The following GREB1L variants were observed in gnomAD, a reference collection of about 807,000 sequenced individuals.
GREB1L encodes the protein GREB1-like protein.
Under a neutral mutation model 200.8 loss-of-function variants are expected in GREB1L, and 17 were observed. The ratio of observed to expected loss-of-function variants is 0.08; its 90% CI spans 0.06 to 0.13. The LOEUF is 0.13. GREB1L is among the 10% of genes least tolerant of loss of function. GREB1L has a pLI of 1.00. For missense variants in GREB1L, 1,657 were observed against 2,367.7 expected (o/e 0.70, Z 6.23); for synonymous variants, 789 against 893.0 (o/e 0.88, Z 2.08).
intron 1 of GREB1L, among the ~76,000 whole-genome samples, chr18:21,264,349 G>T (rs909472601): frequency 3.3e-5 from 5 of 150,984 alleles, no homozygotes; most frequent in Non-Finnish European, 5.9e-5. Flanking sequence ...ACTTATAATT[G>T]TTGTTCCTCT....
rs183507452 is a variant in GREB1L at position 21,503,217 on chromosome 18, A to T, written c.4073-2195A>T. On this transcript the variant is annotated intron_variant, in intron 23 of 32. Coordinates refer to ENST00000424526, the MANE Select transcript of GREB1L (RefSeq NM_001142966.3). ...ATTTTATTATTATTAATAATAAAAA[A>T]ATATATATTTTAAGATGGAGTTTCT... Among the ~76,000 whole-genome samples, 541 of 151,766 alleles carry T rather than the reference A, an allele frequency of 3.6e-3. 2 individuals are homozygous for T. Among genetic ancestry groups the T allele is most frequent in the African/African-American group, 0.011 (474 of 41,468 alleles).
In GREB1L at chr18:21,383,456, G is replaced by A. The variant is rs2040406073; in HGVS notation, c.-9-54G>A. ...AGCTCTACCTGTACTTTGAGACATA[G>A]AACCTCTAATTATATCAATTTTATC... On this transcript the variant is annotated intron_variant, in intron 2 of 32. Coordinates refer to ENST00000424526, the MANE Select transcript of GREB1L (RefSeq NM_001142966.3). The A allele has an allele frequency of 3.3e-5, 43 of 1,320,932 alleles. No individual in the cohort carries two copies. The East Asian group carries it at 1.1e-3, about 33-fold the overall frequency. The allele number at this position is 1,320,932 out of a possible 1,614,324, so 81.8% of individuals were successfully genotyped here. A position where few individuals can be genotyped will look rare whatever the true frequency, so the allele number is the denominator to read the frequency against.
intron 17 of GREB1L, among the ~76,000 whole-genome samples, chr18:21,479,912 A>C (rs1448376378): frequency 2.0e-5 from 3 of 152,070 alleles, no homozygotes; most frequent in Non-Finnish European, 4.4e-5. Context: ...ACTAATTTTA[A>C]AAATATTCTG....
intron 1 of GREB1L, among the ~76,000 whole-genome samples, chr18:21,313,526 AG>A (rs1375367806): frequency 1.3e-5 from 2 of 152,196 alleles, no homozygotes; most frequent in Non-Finnish European, 2.9e-5. Context: ...CCAGCTAATG[AG>A]GGGCAAAGGA....
chr18:21,471,591 T>G (rs2035482691), intron 15 of GREB1L, among the ~76,000 whole-genome samples: 1 of 152,024 alleles, frequency 6.6e-6, no homozygotes, highest in African/African-American at 2.4e-5. Flanking sequence ...CTATCGAAGG[T>G]TGAATGAGTT....
chr18:21,516,550 T>C, intron 29 of GREB1L, 63 bp from the exon 30 acceptor site: 16 of 1,452,678 alleles, frequency 1.1e-5, no homozygotes, highest in Non-Finnish European at 1.5e-5. Context: ...TATTTCTCTG[T>C]GTATAGTTAT....
Position 21,454,403 on chromosome 18 carries a change from G to A in GREB1L, c.2022G>A (p.Gln674=). The change falls in exon 15 of 33, where the codon CAG becomes CAA. Residue 674 remains glutamine (Q), a synonymous_variant. Transcript: ENST00000424526. ...DNETFHIYQP[Q]LTVARKLLSQ... ...AAACCTTCCACATTTATCAACCGCA[G>A]CTAACAGTTGCCAGAAAACTCTTAT... 13 of 1,551,722 alleles carry A rather than the reference G, an allele frequency of 8.4e-6. No individual in the cohort carries two copies. The highest frequency in any genetic ancestry group is 3.3e-4 in the Middle Eastern group (2 of 5,994).
chr18:21,472,987 T>G, intron 15 of GREB1L, 44 bp from the exon 16 acceptor site: 1 of 1,329,870 alleles, frequency 7.5e-7, no homozygotes, highest in Non-Finnish European at 1.0e-6. Flanking sequence ...TGTGTGTGTA[T>G]GTGTAAAAGT....
chr18:21,315,356 G>A (rs2038851339), intron 1 of GREB1L, among the ~76,000 whole-genome samples: 1 of 152,172 alleles, frequency 6.6e-6, no homozygotes, highest in African/African-American at 2.4e-5. Flanking sequence ...CTCTCAAAGT[G>A]CTGGGATCAC....
chr18:21,518,423 C>G (rs1453567492), intron 31 of GREB1L, among the ~76,000 whole-genome samples, 189 bp downstream of exon 31: 1 of 152,182 alleles, frequency 6.6e-6, no homozygotes, highest in African/African-American at 2.4e-5. Flanking sequence ...TGCATACTCA[C>G]TTATGCAAAG....
chr18:21,297,387 G>C (rs1598638763), intron 1 of GREB1L, among the ~76,000 whole-genome samples: 1 of 152,156 alleles, frequency 6.6e-6, no homozygotes, highest in African/African-American at 2.4e-5. Context: ...TTATCTCTTT[G>C]TGCTCCTCGG....
Position 21,508,368 on chromosome 18 carries a change from T to A in GREB1L, c.4531-19T>A. On this transcript the variant is annotated intron_variant, in intron 26 of 32. Transcript: ENST00000424526. ...GGCTTTAATTTCCCTTTATGGTCTGTTTTTTTCCCTTTCAGCAGAATTTGA... is the reference window on the plus strand; with the variant it reads ...GGCTTTAATTTCCCTTTATGGTCTGATTTTTTCCCTTTCAGCAGAATTTGA... 6.4e-7 allele frequency: 1 copy of A among 1,550,900 alleles called. No homozygotes were observed. Among genetic ancestry groups the A allele is most frequent in the African/African-American group, 1.4e-5 (1 of 73,066 alleles).
At chr18:21,253,251 T>C (rs1224663958) in intron 1 of GREB1L, among the ~76,000 whole-genome samples, 1 of 139,126 alleles carries the variant, frequency 7.2e-6, no homozygotes, top group Non-Finnish European at 1.5e-5. Context: ...TTTCAAGAAT[T>C]TTTTTTTTTT....
At chr18:21,395,287 G>T in intron 4 of GREB1L, 98 bp from the exon 5 acceptor site, 1 of 966,136 alleles carries the variant, frequency 1.0e-6, no homozygotes. Context: ...GTCTGTAATA[G>T]TGATTCTCAA....
chr18:21,331,315 A>G (rs1222119001), intron 1 of GREB1L, among the ~76,000 whole-genome samples: 1 of 152,218 alleles, frequency 6.6e-6, no homozygotes, highest in Non-Finnish European at 1.5e-5. Flanking sequence ...AAAAGAAGGG[A>G]TCAGGAAGAA....
At position 21,492,486 on chromosome 18, in the gene GREB1L, T is replaced by A. The variant is rs186180752; in HGVS notation, c.3030+2135T>A. ...GTCTTCTCCTGGTCTCTGTTGACAC[T>A]GATTAAGTGAAGCTACTTAGAGAGT... On this transcript the variant is annotated intron_variant, in intron 19 of 32. Coordinates refer to ENST00000424526, the MANE Select transcript of GREB1L (RefSeq NM_001142966.3). 2.6e-5 allele frequency among the ~76,000 whole-genome samples: 4 copies of A among 152,358 alleles called. No homozygotes were observed. The East Asian group carries it at 7.7e-4, about 29-fold the overall frequency.
At chr18:21,418,986 G>C (rs1300631426) in intron 7 of GREB1L, among the ~76,000 whole-genome samples, 1 of 152,088 alleles carries the variant, frequency 6.6e-6, no homozygotes, top group African/African-American at 2.4e-5. Context: ...TATTTTTACT[G>C]TACCATTTCT....
At chr18:21,296,599 A>G (rs1040732844) in intron 1 of GREB1L, among the ~76,000 whole-genome samples, 1 of 152,064 alleles carries the variant, frequency 6.6e-6, no homozygotes, top group Non-Finnish European at 1.5e-5. Context: ...TCACCAGTAC[A>G]TACACATAAA....
At chr18:21,513,267 A>G (rs2037304560) in intron 27 of GREB1L, among the ~76,000 whole-genome samples, 1 of 152,176 alleles carries the variant, frequency 6.6e-6, no homozygotes, top group South Asian at 2.1e-4. Context: ...AGATCTAGGG[A>G]AAGGGTGCCA....
Sources: allele counts gnomAD v4.1 joint callset (sites outside exome capture counted in the v4.1 genomes callset), GRCh38; gene constraint gnomAD v4.1.1; transcripts MANE v1.5; gene names NCBI Gene and HGNC (gene_info 2026-07-23, HGNC 2026-07-21).